Variants in NFIX observed in about 807,000 individuals in gnomAD.
NFIX encodes nuclear factor I X.
Under a neutral mutation model 53.3 loss-of-function variants are expected in NFIX, and 2 were observed. That is an observed-to-expected ratio of 0.04 (90% CI 0.02 to 0.12). The LOEUF is 0.12. NFIX is among the 10% of genes least tolerant of loss of function. The pLI is 1.00. For missense variants in NFIX, 310 were observed against 674.5 expected, an observed-to-expected ratio of 0.46 and a Z score of 5.99; for synonymous variants, 244 against 289.0, an observed-to-expected ratio of 0.84 and a Z score of 1.58.
chr19:12,998,963 A>T lies in NFIX; in HGVS notation c.27+3099A>T, dbSNP rs1299054478. On this transcript the variant is annotated intron_variant, in intron 1 of 10. Coordinates refer to ENST00000592199, the MANE Select transcript of NFIX (RefSeq NM_001365902.3). This position sits in a 1 kb window ranked among gnomAD's most constrained non-coding sequence, Gnocchi z 4.4. ...ACAAACCCCTCGAGATGATACAGAT[A>T]GCGACGAAGGCACATGGAGACCACG... is the stretch of plus-strand genomic sequence containing the variant. Among the ~76,000 whole-genome samples the T allele has an allele frequency of 1.3e-5, 2 of 152,162 alleles. No individual in the cohort carries two copies. The highest frequency in any genetic ancestry group is 4.8e-5 in the African/African-American group (2 of 41,416).
intron 2 of NFIX, among the ~76,000 whole-genome samples, chr19:13,038,539 A>G (rs983704458): frequency 1.3e-4 from 20 of 152,234 alleles, no homozygotes; most frequent in Admixed American, 1.1e-3. Flanking sequence ...ATTCTGGCAC[A>G]TGGAGTTTAC....
chr19:13,015,915 G>A (rs1390267321), intron 1 of NFIX, among the ~76,000 whole-genome samples: 1 of 152,216 alleles, frequency 6.6e-6, no homozygotes, highest in African/African-American at 2.4e-5. Flanking sequence ...TATAACACGT[G>A]TATGCACATA....
In NFIX at chr19:13,013,670, AG is replaced by A. The variant is rs1180812135; in HGVS notation, c.28-11349del. The A allele has an allele frequency of 6.6e-6, 1 of 151,912 alleles. No homozygotes were observed. Among genetic ancestry groups the A allele is most frequent in the African/African-American group, 2.4e-5 (1 of 41,304 alleles). The allele number at this position is 151,912 out of a possible 1,614,324, so 9.4% of individuals were successfully genotyped here. On this transcript the variant is annotated intron_variant, in intron 1 of 10. Coordinates refer to ENST00000592199, the MANE Select transcript of NFIX (RefSeq NM_001365902.3). This position sits in a 1 kb window ranked among gnomAD's most constrained non-coding sequence, Gnocchi z 5.9. Reference sequence around the variant, plus strand: ...TCTAAAAACATTTTTTTTAATTTAAAGGAGTTTTATTACTTCTTTTTTTTTT... The same window carrying A: ...TCTAAAAACATTTTTTTTAATTTAAAGAGTTTTATTACTTCTTTTTTTTTT...
chr19:13,068,109 A>C lies in NFIX; in HGVS notation c.560-4938A>C, dbSNP rs190136956. Among the ~76,000 whole-genome samples, 1,456 of 152,134 alleles carry C rather than the reference A, an allele frequency of 9.6e-3. 11 individuals are homozygous for C. The highest frequency in any genetic ancestry group is 0.02 in the Middle Eastern group (6 of 294). On this transcript the variant is annotated intron_variant, in intron 2 of 10. Coordinates refer to ENST00000592199, the MANE Select transcript of NFIX (RefSeq NM_001365902.3). This position sits in a 1 kb window ranked among gnomAD's most constrained non-coding sequence, Gnocchi z 4.2. ...GACAGAGCAAGACTCCATCTCAAAA[A>C]AAAAACAAAAACAAAAACAAAAAAC...
At chr19:13,082,815 G>A (rs753350122) in intron 8 of NFIX, among the ~76,000 whole-genome samples, 7 of 152,338 alleles carry the variant, frequency 4.6e-5, no homozygotes, top group East Asian at 1.9e-4. Context: ...AGCCTGCTGC[G>A]AGAGGTCAGG....
intron 6 of NFIX, among the ~76,000 whole-genome samples, chr19:13,076,867 C>T (rs1402004242): frequency 6.6e-6 from 1 of 152,114 alleles, no homozygotes; most frequent in Non-Finnish European, 1.5e-5. Flanking sequence ...CGCCTCCAGG[C>T]CTCAGGCTGA....
In NFIX at chr19:13,088,719, TC is replaced by T. The variant is rs372270339; in HGVS notation, c.1402+590del. ...GTTTCTCGTTGTTCCTCTTTTTTTT[TC>T]CCCCCCTTCCATCCCTCTCCCGTCC... On this transcript the variant is annotated intron_variant, in intron 9 of 10. Transcript: ENST00000592199. This position sits in a 1 kb window ranked among gnomAD's most constrained non-coding sequence, Gnocchi z 5.9. Among the ~76,000 whole-genome samples, 3 of 151,068 alleles carry T rather than the reference TC, an allele frequency of 2.0e-5. No homozygotes were observed. Among genetic ancestry groups the T allele is most frequent in the Non-Finnish European group, 4.4e-5 (3 of 67,730 alleles).
intron 1 of NFIX, chr19:13,024,014 G>T: frequency 7.2e-7 from 1 of 1,397,964 alleles, no homozygotes; most frequent in Non-Finnish European, 9.4e-7. Context: ...GTTGGGCTTT[G>T]CCGGGTGCTT....
chr19:13,072,330 G>A lies in NFIX; in HGVS notation c.560-717G>A, dbSNP rs867732596. 6.6e-6 allele frequency among the ~76,000 whole-genome samples: 1 copy of A among 152,210 alleles called. No individual in the cohort carries two copies. Among genetic ancestry groups the A allele is most frequent in the Admixed American group, 6.5e-5 (1 of 15,284 alleles). On this transcript the variant is annotated intron_variant, in intron 2 of 10. Transcript: ENST00000592199. This position sits in a 1 kb window ranked among gnomAD's most constrained non-coding sequence, Gnocchi z 4.0. ...CCACTGCACAATGAGCCCTTGTCTC[G>A]GGGCTCCCTCTGAGCAGCTGTGGCA...
chr19:13,025,665 T>A lies in NFIX; in HGVS notation c.559+113T>A. On this transcript the variant is annotated intron_variant, in intron 2 of 10. Coordinates refer to ENST00000592199, the MANE Select transcript of NFIX (RefSeq NM_001365902.3). This position sits in a 1 kb window ranked among gnomAD's most constrained non-coding sequence, Gnocchi z 7.5. ...TAACTCGCCATGGGCCTAACTGGTG[T>A]ATGCCCGTCCTGCGGGGCCTGCAAC... The A allele has an allele frequency of 7.9e-7, 1 of 1,266,276 alleles. No individual in the cohort carries two copies. The highest frequency in any genetic ancestry group is 1.1e-6 in the Non-Finnish European group (1 of 920,768). The allele number at this position is 1,266,276 out of a possible 1,614,324, so 78.4% of individuals were successfully genotyped here.
intron 1 of NFIX, chr19:13,024,491 GTCT>G: frequency 2.0e-6 from 3 of 1,491,642 alleles, no homozygotes; most frequent in Non-Finnish European, 2.7e-6. Flanking sequence ...GTCATTTTCT[GTCT>G]TCTTGGGGGC....
chr19:13,024,101 CA>C (rs2013128802), intron 1 of NFIX: 3 of 672,660 alleles, frequency 4.5e-6, no homozygotes, highest in Non-Finnish European at 4.6e-6. Context: ...AAACTTCAAA[CA>C]AGCAAACAAC....
rs1252588276 is a variant in NFIX, at chr19:13,012,845, C to T, written c.28-12176C>T. Among the ~76,000 whole-genome samples the T allele has an allele frequency of 6.6e-6, 1 of 152,136 alleles. No homozygotes were observed. The highest frequency in any genetic ancestry group is 2.4e-5 in the African/African-American group (1 of 41,412). On this transcript the variant is annotated intron_variant, in intron 1 of 10. Transcript: ENST00000592199. The surrounding 1 kb of genome is among the most constrained non-coding windows in gnomAD (Gnocchi z 5.0). ...GAGCGTCGTCATCTCTAGACTACCC[C>T]GGTTTCCGAGGAGCCTCACCTTCAA...
chr19:13,024,122 A>G, intron 1 of NFIX: 2 of 900,372 alleles, frequency 2.2e-6, no homozygotes, highest in Non-Finnish European at 3.4e-6. Flanking sequence ...CCAAAAAAAA[A>G]AAAAAAAACC....
In NFIX at chr19:13,095,831, G is replaced by T. The variant is rs550724302; in HGVS notation, c.*1182G>T. On this transcript the variant is annotated 3_prime_UTR_variant, in exon 11 of 11. Coordinates refer to ENST00000592199, the MANE Select transcript of NFIX (RefSeq NM_001365902.3). ...TTTCTGTGCCCCCCGACTTTCCCCC[G>T]CCTCCCCGCCCCCCACGTGGCCACT... 1.2e-5 allele frequency: 1 copy of T among 86,782 alleles called. No individual in the cohort carries two copies. The highest frequency in any genetic ancestry group is 2.3e-5 in the Non-Finnish European group (1 of 42,954). 5.4% of individuals were successfully genotyped at this position (86,782 alleles called of 1,614,324 possible).
rs1210995609 is a variant in NFIX at position 13,052,840 on chromosome 19, C to T, written c.560-20207C>T. On this transcript the variant is annotated intron_variant, in intron 2 of 10. Transcript: ENST00000592199. This position sits in a 1 kb window ranked among gnomAD's most constrained non-coding sequence, Gnocchi z 5.2. ...ATGATGAGGACAGGGACATTAATCA[C>T]AGTTCTGTTCTGCCTGGCACTGCAG... is the stretch of plus-strand genomic sequence containing the variant. Among the ~76,000 whole-genome samples, 1 of 152,196 alleles carries T rather than the reference C, an allele frequency of 6.6e-6. No homozygotes were observed. Among genetic ancestry groups the T allele is most frequent in the East Asian group, 1.9e-4 (1 of 5,184 alleles).
rs73006838 is a variant in NFIX, at chr19:13,088,496, T to G, written c.1402+360T>G. Among the ~76,000 whole-genome samples the G allele has an allele frequency of 0.11, 17,201 of 151,654 alleles. 1,284 individuals are homozygous for G. Among genetic ancestry groups the G allele is most frequent in the Non-Finnish European group, 0.15 (10,245 of 67,830 alleles). On this transcript the variant is annotated intron_variant, in intron 9 of 10. Transcript: ENST00000592199. The surrounding 1 kb of genome is among the most constrained non-coding windows in gnomAD (Gnocchi z 5.9). ...TCTTCATGCCTGATTGCTGTTTTTT[T>G]TTTTTTGTTTTTTGTTTTTGTTTTT...
At chr19:13,083,060 GTCTCCCT>G (rs1274395739) in intron 8 of NFIX, among the ~76,000 whole-genome samples, 1 of 151,982 alleles carries the variant, frequency 6.6e-6, no homozygotes, top group African/African-American at 2.4e-5. Context: ...TTTCCTCCTC[GTCTCCCT>G]TCTCCCTTTG....
At chr19:13,018,343 G>A (rs1016242349) in intron 1 of NFIX, among the ~76,000 whole-genome samples, 1 of 117,570 alleles carries the variant, frequency 8.5e-6, no homozygotes, top group East Asian at 3.1e-4. Context: ...GGCGGGGGGG[G>A]GGGGGGGGCG....
Sources: gnomAD v4.1 joint callset for allele counts (sites outside exome capture counted in the v4.1 genomes callset) on GRCh38, gnomAD v4.1.1 for gene constraint, Gnocchi (gnomAD v3.1) non-coding constraint, MANE v1.5 for transcripts, NCBI Gene and HGNC (gene_info 2026-07-23, HGNC 2026-07-21) for gene names.